Variants in NAALADL2 observed in about 807,000 individuals in gnomAD.
NAALADL2 encodes N-acetylated alpha-linked acidic dipeptidase like 2, also known as inactive N-acetylated-alpha-linked acidic dipeptidase-like protein 2.
Under a neutral mutation model 87.2 loss-of-function variants are expected in NAALADL2, and 76 were observed. That is an observed-to-expected ratio of 0.87 (90% CI 0.72 to 1.05). The LOEUF is 1.05. Among genes scored for constraint, NAALADL2 ranks in the 50% least tolerant of loss-of-function variants. The pLI, the probability that NAALADL2 is intolerant of heterozygous loss-of-function variation, is 0.00. For synonymous variants in NAALADL2, 354 were observed against 331.0 expected (o/e 1.07, Z -0.75); for missense variants, 1,089 against 945.8 (o/e 1.15, Z -1.99).
chr3:174,655,921 G>T (rs1560121361), intron 2 of NAALADL2, among the ~76,000 whole-genome samples: 1 of 152,120 alleles, frequency 6.6e-6, no homozygotes, highest in Non-Finnish European at 1.5e-5. Flanking sequence ...TTCAGGTAGG[G>T]GTGATGTTGT....
At chr3:175,103,983 A>G (rs886484664) in intron 2 of NAALADL2, among the ~76,000 whole-genome samples, 2 of 152,184 alleles carry the variant, frequency 1.3e-5, no homozygotes, top group Non-Finnish European at 2.9e-5. Flanking sequence ...CCATCCCGTG[A>G]TATAAGAAAA....
At chr3:175,098,986 C>G (rs1721660611) in intron 2 of NAALADL2, among the ~76,000 whole-genome samples, 1 of 150,714 alleles carries the variant, frequency 6.6e-6, no homozygotes, top group South Asian at 2.1e-4. Flanking sequence ...TACTTTGACT[C>G]TTAGTAAGTT....
rs367701419 is a variant in NAALADL2 at position 174,939,722 on chromosome 3, T to C, written c.43+80272T>C. Among the ~76,000 whole-genome samples the C allele has an allele frequency of 1.7e-4, 26 of 152,114 alleles. No individual in the cohort carries two copies. The East Asian group carries it at 3.9e-3, about 23-fold the overall frequency. On this transcript the variant is annotated intron_variant, in intron 1 of 13. Coordinates refer to ENST00000454872, the MANE Select transcript of NAALADL2 (RefSeq NM_207015.3). ...AATTCTTATTGTAGAGATCTTTTACTTCCCTGGTTAGCTGTATTTCTAGGT... is the reference window on the plus strand; with the variant it reads ...AATTCTTATTGTAGAGATCTTTTACCTCCCTGGTTAGCTGTATTTCTAGGT...
chr3:175,680,565 C>T (rs1735449503), intron 11 of NAALADL2, among the ~76,000 whole-genome samples: 1 of 152,128 alleles, frequency 6.6e-6, no homozygotes, highest in Non-Finnish European at 1.5e-5. Context: ...GTGTTATATG[C>T]TGTACATCCT....
intron 1 of NAALADL2, among the ~76,000 whole-genome samples, chr3:174,462,334 G>T (rs1716266947): frequency 6.6e-6 from 1 of 152,014 alleles, no homozygotes; most frequent in Admixed American, 6.6e-5. Flanking sequence ...TTTCCAAATG[G>T]AAATCAAATC....
chr3:175,324,261 T>C lies in NAALADL2; in HGVS notation c.1026T>C (p.His342=). Reference sequence around the variant, plus strand: ...TGCCAAAGACTGTGAATCCTAGCCATGATACCTTCATGGTGTCACTGAATC... The same window carrying C: ...TGCCAAAGACTGTGAATCCTAGCCACGATACCTTCATGGTGTCACTGAATC... ...CDLPKTVNPS[H]DTFMVSLNPG... is the part of the protein sequence containing the mutation. The change falls in exon 5 of 14, where the codon CAT becomes CAC. Residue 342 remains histidine, a synonymous_variant. Coordinates refer to ENST00000454872, the MANE Select transcript of NAALADL2 (RefSeq NM_207015.3). 6.2e-7 allele frequency: 1 copy of C among 1,613,804 alleles called. No homozygotes were observed. Among genetic ancestry groups the C allele is most frequent in the Non-Finnish European group, 8.5e-7 (1 of 1,179,796 alleles).
intron 4 of NAALADL2, among the ~76,000 whole-genome samples, chr3:175,279,220 C>A (rs1030240814): frequency 6.6e-6 from 1 of 152,094 alleles, no homozygotes; most frequent in Non-Finnish European, 1.5e-5. Context: ...ATATGGGACC[C>A]TAGGGCAAGT....
At chr3:175,032,700 A>T (rs1206281171) in intron 1 of NAALADL2, among the ~76,000 whole-genome samples, 3 of 152,052 alleles carry the variant, frequency 2.0e-5, no homozygotes, top group African/African-American at 4.8e-5. Context: ...CTACAAAATT[A>T]AAAAATATAT....
intron 1 of NAALADL2, among the ~76,000 whole-genome samples, chr3:175,073,666 TTA>T (rs923469198): frequency 3.3e-5 from 5 of 152,110 alleles, no homozygotes; most frequent in Non-Finnish European, 5.9e-5. Flanking sequence ...TTCTACAGTT[TTA>T]TGTCAACTAA....
chr3:175,794,844 A>G (rs2108311678), intron 13 of NAALADL2, among the ~76,000 whole-genome samples: 1 of 152,346 alleles, frequency 6.6e-6, no homozygotes, highest in South Asian at 2.1e-4. Flanking sequence ...CTGAGACAAC[A>G]TACTATAGAC....
intron 1 of NAALADL2, among the ~76,000 whole-genome samples, chr3:174,985,620 A>G (rs1432955227): frequency 6.6e-6 from 1 of 152,132 alleles, no homozygotes; most frequent in Non-Finnish European, 1.5e-5. Flanking sequence ...GTGGTATTAT[A>G]TTGGATGAGA....
At chr3:174,967,901 G>A (rs1659798943) in intron 1 of NAALADL2, among the ~76,000 whole-genome samples, 1 of 152,134 alleles carries the variant, frequency 6.6e-6, no homozygotes, top group South Asian at 2.1e-4. Flanking sequence ...ATACACAGCT[G>A]ACATACTGAC....
chr3:174,637,302 T>A (rs1256233938), intron 2 of NAALADL2, among the ~76,000 whole-genome samples: 1 of 152,040 alleles, frequency 6.6e-6, no homozygotes, highest in Non-Finnish European at 1.5e-5. Flanking sequence ...GTATTGTATA[T>A]TTCAAAATAA....
intron 1 of NAALADL2, among the ~76,000 whole-genome samples, chr3:174,525,596 A>G (rs550964013): frequency 6.6e-6 from 1 of 152,160 alleles, no homozygotes; most frequent in Non-Finnish European, 1.5e-5. Flanking sequence ...GTCACATTTT[A>G]CAGTAAGATT....
chr3:175,627,063 CTATT>C (rs1291562165), intron 10 of NAALADL2, among the ~76,000 whole-genome samples: 1 of 151,722 alleles, frequency 6.6e-6, no homozygotes, highest in East Asian at 1.9e-4. Context: ...AAATATTAAT[CTATT>C]TATTCTATCA....
intron 11 of NAALADL2, among the ~76,000 whole-genome samples, chr3:175,732,240 A>T (rs944306216): frequency 6.6e-6 from 1 of 152,206 alleles, no homozygotes; most frequent in South Asian, 2.1e-4. Flanking sequence ...AGAAAAATGC[A>T]TAGTTATTTA....
At chr3:174,848,466 T>G (rs73047984) in intron 3 of NAALADL2, among the ~76,000 whole-genome samples, 1 of 152,140 alleles carries the variant, frequency 6.6e-6, no homozygotes, top group African/African-American at 2.4e-5. Context: ...GAAACATGAA[T>G]AGGTGATGTG....
intron 2 of NAALADL2, among the ~76,000 whole-genome samples, chr3:175,179,903 A>G (rs1736213126): frequency 6.6e-6 from 1 of 152,070 alleles, no homozygotes; most frequent in South Asian, 2.1e-4. Context: ...ATTGTGTCAC[A>G]TAGTATCGGT....
intron 11 of NAALADL2, among the ~76,000 whole-genome samples, chr3:175,629,721 G>T (rs1366111984): frequency 6.6e-6 from 1 of 151,670 alleles, no homozygotes; most frequent in African/African-American, 2.4e-5. Flanking sequence ...CCACACTTAA[G>T]AATTTCAACT....
Sources: gnomAD v4.1 joint callset for allele counts (sites outside exome capture counted in the v4.1 genomes callset) on GRCh38, gnomAD v4.1.1 for gene constraint, MANE v1.5 for transcripts, NCBI Gene and HGNC (gene_info 2026-07-23, HGNC 2026-07-21) for gene names.